The following NFASC variants were observed in gnomAD, a reference collection of about 807,000 sequenced individuals.
NFASC encodes neurofascin homolog.
NFASC carries 43 observed loss-of-function variants against 147.5 expected under a neutral mutation model. The observed-to-expected ratio is 0.29, with a 90% confidence interval of 0.23 to 0.38. The LOEUF (loss-of-function observed/expected upper bound fraction) is 0.38. NFASC is among the 10% of genes least tolerant of loss of function. NFASC has a pLI of 1.00. For missense variants in NFASC, 1,320 were observed against 1,689.0 expected (o/e 0.78, Z 3.83); for synonymous variants, 622 against 665.5 (o/e 0.93, Z 1.01).
At chr1:204,916,686 T>A (rs901451814) in intron 1 of NFASC, among the ~76,000 whole-genome samples, 4 of 152,174 alleles carry the variant, frequency 2.6e-5, no homozygotes, top group African/African-American at 9.6e-5. Flanking sequence ...ACATGTGGGT[T>A]TGACTCACAT....
chr1:204,846,949 A>ACG (rs1021892965), intron 1 of NFASC, among the ~76,000 whole-genome samples: 4 of 120,350 alleles, frequency 3.3e-5, no homozygotes, highest in African/African-American at 1.2e-4. Flanking sequence ...GTGTGTGTGT[A>ACG]CGCGTGTGTG....
At chr1:204,859,185 C>T (rs898182623) in intron 1 of NFASC, among the ~76,000 whole-genome samples, 1 of 152,124 alleles carries the variant, frequency 6.6e-6, no homozygotes, top group Non-Finnish European at 1.5e-5. Context: ...GCCATGTTGG[C>T]CAGGCTGGTC....
rs76287862 is a variant in NFASC at position 204,975,180 on chromosome 1, G to A, written c.1559-91G>A. 11 of 1,435,202 alleles carry A rather than the reference G, an allele frequency of 7.7e-6. No homozygotes were observed. The South Asian group carries it at 1.3e-4, about 17-fold the overall frequency. The allele number at this position is 1,435,202 out of a possible 1,614,324, so 88.9% of individuals were successfully genotyped here. On this transcript the variant is annotated intron_variant, in intron 14 of 29. Transcript: ENST00000339876. This position sits in a 1 kb window ranked among gnomAD's most constrained non-coding sequence, Gnocchi z 4.0. ...TGCCCCACTCCATAGTTGGCCCAAG[G>A]CCTCGAGGGCAGACATATGCCACTT... is the stretch of plus-strand genomic sequence containing the variant.
At chr1:204,938,542 G>A (rs115719325) in intron 2 of NFASC, among the ~76,000 whole-genome samples, 98 of 152,142 alleles carry the variant, frequency 6.4e-4, no homozygotes, top group African/African-American at 2.3e-3. Context: ...CCACCCTGCC[G>A]CCGGCTCCCA....
Position 204,975,319 on chromosome 1 carries a change from G to A in NFASC, c.1607G>A (p.Gly536Asp). The change falls in exon 15 of 30, where the codon GGC becomes GAC. Residue 536 changes from glycine (G) to aspartate (D), a missense_variant. Coordinates refer to ENST00000339876, the MANE Select transcript of NFASC (RefSeq NM_001005388.3). The surrounding 1 kb of genome is among the most constrained non-coding windows in gnomAD (Gnocchi z 4.0). ...RMPEDQVARR[G>D]TTVQLECRVK... is the part of the protein sequence containing the mutation. ...CCCGAGGACCAGGTGGCCAGAAGGG[G>A]CACCACGGTGCAGCTGGAGTGTCGG... The A allele has an allele frequency of 1.2e-6, 2 of 1,614,072 alleles. No homozygotes were observed.
At chr1:204,842,501 T>C (rs562441762) in intron 1 of NFASC, among the ~76,000 whole-genome samples, 25 of 152,336 alleles carry the variant, frequency 1.6e-4, no homozygotes, top group African/African-American at 5.3e-4. Context: ...TGTCCCATTT[T>C]TGAGTGTACA....
intron 1 of NFASC, among the ~76,000 whole-genome samples, chr1:204,862,889 CTGTAAACTTCAAATATT>C (rs2076788037): frequency 6.6e-6 from 1 of 152,170 alleles, no homozygotes; most frequent in African/African-American, 2.4e-5. Flanking sequence ...CAAGGCTTCC[CTGTAAACTTCAAATATT>C]TTAGCCAGCT....
At chr1:204,876,898 AG>A (rs2078899933) in intron 1 of NFASC, among the ~76,000 whole-genome samples, 1 of 149,872 alleles carries the variant, frequency 6.7e-6, no homozygotes, top group Non-Finnish European at 1.5e-5. Context: ...AGCAGCTTGT[AG>A]GCTCGGAAGC....
Position 204,968,430 on chromosome 1 carries a change from CTT to C in NFASC, c.818+71_818+72del. 1 of 1,135,652 alleles carries C rather than the reference CTT, an allele frequency of 8.8e-7. No individual in the cohort carries two copies. Among genetic ancestry groups the C allele is most frequent in the South Asian group, 1.3e-5 (1 of 79,168 alleles). The allele number at this position is 1,135,652 out of a possible 1,614,324, so 70.3% of individuals were successfully genotyped here. A position where few individuals can be genotyped will look rare whatever the true frequency, so the allele number is the denominator to read the frequency against. On this transcript the variant is annotated intron_variant, in intron 9 of 29. Transcript: ENST00000339876. The surrounding 1 kb of genome is among the most constrained non-coding windows in gnomAD (Gnocchi z 5.4). ...ATGGGGATGGGAGCTTGTTCATGCT[CTT>C]GTTAATGCCACATTTAGTGCATACC...
chr1:204,877,641 G>A (rs980592077), intron 1 of NFASC, among the ~76,000 whole-genome samples: 7 of 152,132 alleles, frequency 4.6e-5, no homozygotes, highest in African/African-American at 1.7e-4. Flanking sequence ...CCATGCAGTC[G>A]ATCGGGGGAC....
chr1:205,016,249 G>A lies in NFASC; in HGVS notation c.3492-59G>A. 8.3e-7 allele frequency: 1 copy of A among 1,199,120 alleles called. No individual in the cohort carries two copies. Among genetic ancestry groups the A allele is most frequent in the South Asian group, 1.2e-5 (1 of 80,984 alleles). 74.3% of individuals were successfully genotyped at this position (1,199,120 alleles called of 1,614,324 possible). On this transcript the variant is annotated intron_variant, in intron 29 of 29. Transcript: ENST00000339876. The surrounding 1 kb of genome is among the most constrained non-coding windows in gnomAD (Gnocchi z 5.1). ...TCTGAGCTGTGTAGGGCATGTGCTG[G>A]CAGGAGGCCAGCTGCCCCATCTCAC...
chr1:204,964,805 C>T (rs1432045758), intron 8 of NFASC, among the ~76,000 whole-genome samples: 3 of 152,168 alleles, frequency 2.0e-5, no homozygotes, highest in South Asian at 4.1e-4. Flanking sequence ...TCCTCAGATA[C>T]GTCTGATTCA....
chr1:204,862,010 A>C (rs946617147), intron 1 of NFASC, among the ~76,000 whole-genome samples: 4 of 152,132 alleles, frequency 2.6e-5, no homozygotes, highest in Non-Finnish European at 4.4e-5. Context: ...ACCAGATCTT[A>C]TTTACTCATA....
chr1:204,979,608 A>G lies in NFASC; in HGVS notation c.2176+49A>G. 4 of 1,528,730 alleles carry G rather than the reference A, an allele frequency of 2.6e-6. No individual in the cohort carries two copies. Among genetic ancestry groups the G allele is most frequent in the Non-Finnish European group, 3.6e-6 (4 of 1,103,770 alleles). The allele number at this position is 1,528,730 out of a possible 1,614,324, so 94.7% of individuals were successfully genotyped here. A position where few individuals can be genotyped will look rare whatever the true frequency, so the allele number is the denominator to read the frequency against. ...GAAGGCTCCGGAACCCCGCACCCCA[A>G]ACTCACACTGAGATCCCCCCATTCC... On this transcript the variant is annotated intron_variant, in intron 19 of 29. Transcript: ENST00000339876. The surrounding 1 kb of genome is among the most constrained non-coding windows in gnomAD (Gnocchi z 6.0).
chr1:205,012,474 G>A (rs12090098), intron 28 of NFASC, among the ~76,000 whole-genome samples: 11,184 of 152,252 alleles, frequency 0.073, 1,424 homozygotes, highest in African/African-American at 0.25. Context: ...GTTTGCCTTT[G>A]GCAAAGGAAA....
At chr1:204,902,942 C>T (rs1386645064) in intron 1 of NFASC, among the ~76,000 whole-genome samples, 1 of 152,126 alleles carries the variant, frequency 6.6e-6, no homozygotes, top group Non-Finnish European at 1.5e-5. Flanking sequence ...CCATGTCCAG[C>T]GGCACATGCA....
intron 2 of NFASC, among the ~76,000 whole-genome samples, chr1:204,938,190 C>T (rs1445831771): frequency 2.6e-5 from 4 of 152,122 alleles, no homozygotes; most frequent in Admixed American, 2.0e-4. Context: ...CACCACGGGC[C>T]CCCAATGTGG....
intron 1 of NFASC, among the ~76,000 whole-genome samples, chr1:204,880,612 A>C (rs930969612): frequency 6.6e-6 from 1 of 152,148 alleles, no homozygotes; most frequent in African/African-American, 2.4e-5. Context: ...TCAGTCTCCC[A>C]AAGTGCTGGG....
chr1:204,853,972 C>G (rs899607927), intron 1 of NFASC, among the ~76,000 whole-genome samples: 1 of 152,156 alleles, frequency 6.6e-6, no homozygotes. Context: ...TCTGCTCCTC[C>G]TTGGGAAGGG....
Sources: gnomAD v4.1 joint callset for allele counts (sites outside exome capture counted in the v4.1 genomes callset) on GRCh38, gnomAD v4.1.1 for gene constraint, Gnocchi (gnomAD v3.1) non-coding constraint, MANE v1.5 for transcripts, NCBI Gene and HGNC (gene_info 2026-07-23, HGNC 2026-07-21) for gene names.